The following TNKS2 variants were observed in gnomAD, a reference collection of about 807,000 sequenced individuals.
TNKS2 encodes tankyrase 2.
TNKS2 carries 72 observed loss-of-function variants against 137.6 expected under a neutral mutation model. That is an observed-to-expected ratio of 0.52 (90% confidence interval 0.43 to 0.64). The LOEUF (loss-of-function observed/expected upper bound fraction) is 0.64. Among genes scored for constraint, TNKS2 ranks in the 30% least tolerant of loss-of-function variants. TNKS2 has a pLI of 0.00. For synonymous variants in TNKS2, 516 were observed against 512.1 expected (o/e 1.01, Z -0.10); for missense variants, 1,049 against 1,410.2 (o/e 0.74, Z 4.10).
intron 24 of TNKS2, among the ~76,000 whole-genome samples, chr10:91,858,403 TATAA>T (rs1265627896): frequency 6.6e-6 from 1 of 152,250 alleles, no homozygotes; most frequent in African/African-American, 2.4e-5. Flanking sequence ...TAATTTGTAA[TATAA>T]ATAATTTTGG....
In TNKS2 at chr10:91,863,209, T is replaced by C. The variant is rs1842897748; in HGVS notation, c.*210T>C. Reference sequence around the variant, plus strand: ...AATATTTCCTGTTTTTTCAGCACTTTAACAGATGCCATTCCAGGTTAAACT... The same window carrying C: ...AATATTTCCTGTTTTTTCAGCACTTCAACAGATGCCATTCCAGGTTAAACT... On this transcript the variant is annotated 3_prime_UTR_variant, in exon 27 of 27. Coordinates refer to ENST00000371627, the MANE Select transcript of TNKS2 (RefSeq NM_025235.4). 1 of 449,582 alleles carries C rather than the reference T, an allele frequency of 2.2e-6. No homozygotes were observed. Among genetic ancestry groups the C allele is most frequent in the Non-Finnish European group, 4.0e-6 (1 of 251,504 alleles). 27.8% of individuals were successfully genotyped at this position (449,582 alleles called of 1,614,324 possible).
Position 91,849,601 on chromosome 10 carries a change from A to G in TNKS2, c.2694+7A>G, listed in dbSNP as rs772576640. ...TATATTTGAGAGAGAACAGGTGAGT[A>G]GATAAATCATATTGTTTGGATTAGT... is the stretch of plus-strand genomic sequence containing the variant. On this transcript the variant is annotated splice_region_variant and intron_variant, in intron 20 of 26. Transcript: ENST00000371627. 3 of 1,588,604 alleles carry G rather than the reference A, an allele frequency of 1.9e-6. No individual in the cohort carries two copies. The highest frequency in any genetic ancestry group is 2.6e-6 in the Non-Finnish European group (3 of 1,169,706).
chr10:91,842,041 G>A, intron 15 of TNKS2, 131 bp from the exon 16 acceptor site: 1 of 551,618 alleles, frequency 1.8e-6, no homozygotes, highest in Non-Finnish European at 3.2e-6. Flanking sequence ...TAACAGTGAT[G>A]TTAACCTTCA....
chr10:91,858,383 A>G (rs1842767162), intron 24 of TNKS2, among the ~76,000 whole-genome samples: 1 of 152,174 alleles, frequency 6.6e-6, no homozygotes, highest in African/African-American at 2.4e-5. Context: ...TGGTTATAAT[A>G]TGGTTTTTCT....
intron 6 of TNKS2, 76 bp downstream of exon 6, chr10:91,820,109 A>C: frequency 9.9e-7 from 1 of 1,010,588 alleles, no homozygotes; most frequent in Non-Finnish European, 1.4e-6. Flanking sequence ...CCTTAGAAAA[A>C]TAATATTTTT....
At position 91,865,053 on chromosome 10, in the gene TNKS2, G is replaced by A. The variant is rs1180549689; in HGVS notation, c.*2054G>A. On this transcript the variant is annotated 3_prime_UTR_variant, in exon 27 of 27. Transcript: ENST00000371627. ...ATTTTCAGATAGCTTTTTGTTTGTT[G>A]GGAAGTTGGGGTTTTGGGGGGAGGG... The A allele has an allele frequency of 2.0e-5, 3 of 152,290 alleles. No individual in the cohort carries two copies. The highest frequency in any genetic ancestry group is 3.9e-4 in the East Asian group (2 of 5,192). 9.4% of individuals were successfully genotyped at this position (152,290 alleles called of 1,614,324 possible).
chr10:91,807,294 A>G (rs1361865520), intron 1 of TNKS2: 2 of 1,613,604 alleles, frequency 1.2e-6, no homozygotes, highest in Non-Finnish European at 1.7e-6. Flanking sequence ...TTTATACACC[A>G]AACAAACTAA....
intron 25 of TNKS2, 69 bp from the exon 26 acceptor site, chr10:91,861,930 T>A (rs988895005): frequency 7.2e-7 from 1 of 1,390,388 alleles, no homozygotes; most frequent in African/African-American, 1.5e-5. Flanking sequence ...ACTTATGCCG[T>A]GTCCACACAT....
chr10:91,850,844 C>A (rs1328648769), intron 20 of TNKS2, among the ~76,000 whole-genome samples: 1 of 152,086 alleles, frequency 6.6e-6, no homozygotes, highest in Non-Finnish European at 1.5e-5. Flanking sequence ...TTTCATGAAG[C>A]CATAGTGTAT....
rs1232633438 is a variant in TNKS2, at chr10:91,827,188, A to C, written c.967A>C (p.Lys323Gln). 2 of 1,557,766 alleles carry C rather than the reference A, an allele frequency of 1.3e-6. No homozygotes were observed. The highest frequency in any genetic ancestry group is 3.4e-4 in the Middle Eastern group (2 of 5,830). ...AIDLAPTPQLKERLAYEFKGH... is the reference protein window; with the variant it reads ...AIDLAPTPQLQERLAYEFKGH... Reference sequence around the variant, plus strand: ...AGACTTGGCTCCCACACCACAGTTAAAAGAAAGATTAGCATGTGAGTATAA... The same window carrying C: ...AGACTTGGCTCCCACACCACAGTTACAAGAAAGATTAGCATGTGAGTATAA... Residue 323 changes from lysine to glutamine, a missense_variant, in exon 8 of 27, where the codon AAA becomes CAA. Transcript: ENST00000371627.
intron 4 of TNKS2, 54 bp downstream of exon 4, chr10:91,819,360 C>A: frequency 6.9e-6 from 8 of 1,160,300 alleles, no homozygotes; most frequent in Non-Finnish European, 9.1e-6. Flanking sequence ...TTAACTTTTT[C>A]TTTTTTTTTT....
At position 91,798,814 on chromosome 10, in the gene TNKS2, A is replaced by AG. The variant is rs760956172; in HGVS notation, c.126dup (p.Leu43AlafsTer5). 7.5e-7 allele frequency: 1 copy of AG among 1,336,148 alleles called. No homozygotes were observed. Among genetic ancestry groups the AG allele is most frequent in the African/African-American group, 1.5e-5 (1 of 65,830 alleles). The allele number at this position is 1,336,148 out of a possible 1,614,324, so 82.8% of individuals were successfully genotyped here. A position where few individuals can be genotyped will look rare whatever the true frequency, so the allele number is the denominator to read the frequency against. On this transcript the variant is annotated frameshift_variant, in exon 1 of 27. Transcript: ENST00000371627. LOFTEE classifies it high-confidence loss of function. ...CAACGGGGACGTGGAACGAGTCAAG[A>AG]GGCTGGTGACGCCTGAGAAGGTGAA... is the stretch of plus-strand genomic sequence containing the variant.
chr10:91,808,173 G>C (rs939568085), intron 1 of TNKS2, among the ~76,000 whole-genome samples: 9 of 151,738 alleles, frequency 5.9e-5, no homozygotes, highest in Non-Finnish European at 1.0e-4. Flanking sequence ...AATGTGGATG[G>C]GCAGAAGGGA....
intron 11 of TNKS2, among the ~76,000 whole-genome samples, chr10:91,832,472 G>GTT (rs11392641): frequency 1.3e-3 from 193 of 148,358 alleles, no homozygotes; most frequent in East Asian, 3.5e-3. Context: ...TACCCAAATA[G>GTT]TTTTTTTTTT....
intron 1 of TNKS2, among the ~76,000 whole-genome samples, chr10:91,801,155 G>T (rs939583995): frequency 4.3e-4 from 66 of 152,060 alleles, no homozygotes; most frequent in African/African-American, 1.6e-3. Context: ...TGAGAGATTC[G>T]TGCAGACCAC....
intron 18 of TNKS2, 105 bp downstream of exon 18, chr10:91,846,045 T>C: frequency 1.0e-6 from 1 of 1,000,652 alleles, no homozygotes; most frequent in South Asian, 3.3e-5. Flanking sequence ...TGGCAAAATC[T>C]GGGTTTTAGC....
intron 1 of TNKS2, chr10:91,807,287 A>G: frequency 6.2e-7 from 1 of 1,612,856 alleles, no homozygotes; most frequent in Non-Finnish European, 8.5e-7. Flanking sequence ...GGTCTGTTTT[A>G]TACACCAAAC....
At chr10:91,829,345 A>C (rs939965043) in intron 9 of TNKS2, among the ~76,000 whole-genome samples, 5 of 152,194 alleles carry the variant, frequency 3.3e-5, no homozygotes, top group African/African-American at 1.2e-4. Flanking sequence ...TTAAAACCAC[A>C]ACAGCATTAA....
intron 1 of TNKS2, among the ~76,000 whole-genome samples, chr10:91,799,862 A>G (rs543732470): frequency 4.3e-4 from 65 of 152,316 alleles, no homozygotes; most frequent in African/African-American, 1.5e-3. Context: ...TGTGTATTTC[A>G]TGATTGTTTA....
Sources: gnomAD v4.1 joint callset for allele counts (sites outside exome capture counted in the v4.1 genomes callset) on GRCh38, gnomAD v4.1.1 for gene constraint, MANE v1.5 for transcripts, NCBI Gene and HGNC (gene_info 2026-07-23, HGNC 2026-07-21) for gene names.